Variants in SLCO3A1 observed in about 807,000 individuals in gnomAD.
SLCO3A1 encodes PGE1 transporter.
Under a neutral mutation model 63.1 loss-of-function variants are expected in SLCO3A1, and 27 were observed. The observed-to-expected ratio is 0.43, with a 90% CI of 0.32 to 0.59. The LOEUF is 0.59. SLCO3A1 is among the 20% of genes least tolerant of loss of function. SLCO3A1 has a pLI of 0.09. For synonymous variants in SLCO3A1, 473 were observed against 409.9 expected (o/e 1.15, Z -1.86); for missense variants, 773 against 945.8 (o/e 0.82, Z 2.40).
intron 2 of SLCO3A1, among the ~76,000 whole-genome samples, chr15:92,048,823 G>A (rs1000684231): frequency 3.3e-5 from 5 of 152,104 alleles, no homozygotes; most frequent in East Asian, 1.9e-4. Flanking sequence ...GCTTGAACCC[G>A]GAAGGCGGAG....
rs33938693 is a variant in SLCO3A1 at position 91,871,765 on chromosome 15, G to GTTTTTTTTTTTTT, written c.180+17685_180+17697dup. On this transcript the variant is annotated intron_variant, in intron 1 of 9. Transcript: ENST00000318445. ...GGTGTGCTCATTTTGTTTTTTTTTG[G>GTTTTTTTTTTTTT]TTTTTTTTTTTTTTTTTTTTGGCTG... 2.2e-4 allele frequency among the ~76,000 whole-genome samples: 10 copies of GTTTTTTTTTTTTT among 45,696 alleles called. 1 individual carries two copies. Among genetic ancestry groups the GTTTTTTTTTTTTT allele is most frequent in the Admixed American group, 6.5e-4 (2 of 3,092 alleles). The allele number at this position is 45,696 out of a possible 152,430, so 30.0% of individuals were successfully genotyped here.
intron 1 of SLCO3A1, among the ~76,000 whole-genome samples, chr15:91,868,481 C>T (rs1284916425): frequency 1.3e-5 from 2 of 150,678 alleles, no homozygotes; most frequent in East Asian, 1.9e-4. Context: ...ATCCATAATT[C>T]AGAGAACCTG....
chr15:92,056,488 T>C (rs2047023272), intron 2 of SLCO3A1, among the ~76,000 whole-genome samples: 2 of 152,196 alleles, frequency 1.3e-5, no homozygotes, highest in South Asian at 4.1e-4. Context: ...AGGACGCTCC[T>C]TCCATCATTT....
At chr15:91,903,274 G>A (rs939433311) in intron 1 of SLCO3A1, among the ~76,000 whole-genome samples, 3 of 152,154 alleles carry the variant, frequency 2.0e-5, no homozygotes, top group African/African-American at 7.2e-5. Flanking sequence ...GCCAAAGGTT[G>A]GTCAGTGTGT....
At chr15:92,171,312 G>A (rs2048519911) in intron 10 of SLCO3A1, 1 of 153,910 alleles carries the variant, frequency 6.5e-6, no homozygotes, top group Non-Finnish European at 1.4e-5. Context: ...GAATATCTGT[G>A]GCTACACAAA....
chr15:92,002,699 C>G (rs1269029875), intron 2 of SLCO3A1, among the ~76,000 whole-genome samples: 1 of 152,114 alleles, frequency 6.6e-6, no homozygotes, highest in Non-Finnish European at 1.5e-5. Flanking sequence ...CAGGAAGGGC[C>G]TGCGATGGGC....
chr15:91,974,265 G>GTTATTGTTATTATTA (rs1555420153), intron 2 of SLCO3A1, among the ~76,000 whole-genome samples: 15 of 142,958 alleles, frequency 1.0e-4, no homozygotes, highest in Non-Finnish European at 1.7e-4. Context: ...TTTCATTATT[G>GTTATTGTTATTATTA]TTATTATTAT....
chr15:91,868,923 T>C (rs1359056505), intron 1 of SLCO3A1, among the ~76,000 whole-genome samples: 1 of 152,232 alleles, frequency 6.6e-6, no homozygotes, highest in African/African-American at 2.4e-5. Flanking sequence ...TAGTTTCAAA[T>C]GAAAAATGAC....
rs1897302358 is a variant in SLCO3A1 at position 91,872,394 on chromosome 15, T to C, written c.180+18306T>C. Among the ~76,000 whole-genome samples the C allele has an allele frequency of 6.6e-6, 1 of 151,986 alleles. No individual in the cohort carries two copies. The highest frequency in any genetic ancestry group is 6.6e-5 in the Admixed American group (1 of 15,260). Reference sequence around the variant, plus strand: ...AAAAATACAAAAAAATAGCCGGGCATGGTGGCAGTTGCCTGTAATCCCAGC... The same window carrying C: ...AAAAATACAAAAAAATAGCCGGGCACGGTGGCAGTTGCCTGTAATCCCAGC... On this transcript the variant is annotated intron_variant, in intron 1 of 9. Coordinates refer to ENST00000318445, the MANE Select transcript of SLCO3A1 (RefSeq NM_013272.4). The surrounding 1 kb of genome is among the most constrained non-coding windows in gnomAD (Gnocchi z 4.1).
intron 2 of SLCO3A1, among the ~76,000 whole-genome samples, chr15:92,018,168 G>C (rs1052782332): frequency 6.6e-6 from 1 of 152,246 alleles, no homozygotes; most frequent in Admixed American, 6.5e-5. Flanking sequence ...GGGCGGTGAC[G>C]GGGCTGGCAT....
At chr15:91,995,353 A>G (rs1011358815) in intron 2 of SLCO3A1, among the ~76,000 whole-genome samples, 2 of 152,208 alleles carry the variant, frequency 1.3e-5, no homozygotes, top group African/African-American at 4.8e-5. Context: ...GACCTCATTG[A>G]TTCCTTGTGA....
Position 91,941,426 on chromosome 15 carries a change from C to T in SLCO3A1, c.646+24968C>T. ...ATCTGTGTCACGGGAGTGGCGCTGT[C>T]ACTCGTTGAGGTGGTGGCCTGGTTC... On this transcript the variant is annotated intron_variant, in intron 2 of 9. Coordinates refer to ENST00000318445, the MANE Select transcript of SLCO3A1 (RefSeq NM_013272.4). This position sits in a 1 kb window ranked among gnomAD's most constrained non-coding sequence, Gnocchi z 4.4. 2 of 416,454 alleles carry T rather than the reference C, an allele frequency of 4.8e-6. No homozygotes were observed. The highest frequency in any genetic ancestry group is 3.5e-5 in the South Asian group (2 of 57,914). The allele number at this position is 416,454 out of a possible 1,614,324, so 25.8% of individuals were successfully genotyped here.
At position 91,967,043 on chromosome 15, in the gene SLCO3A1, T is replaced by A. The variant is rs1428292945; in HGVS notation, c.646+50585T>A. On this transcript the variant is annotated intron_variant, in intron 2 of 9. Coordinates refer to ENST00000318445, the MANE Select transcript of SLCO3A1 (RefSeq NM_013272.4). This position sits in a 1 kb window ranked among gnomAD's most constrained non-coding sequence, Gnocchi z 4.4. ...TGAGATACAATTTGTATTTTTGAAC[T>A]CTGCTTTCAGATAACTTTATAAAGG... Among the ~76,000 whole-genome samples the A allele has an allele frequency of 6.6e-6, 1 of 152,134 alleles. No individual in the cohort carries two copies. The highest frequency in any genetic ancestry group is 1.5e-5 in the Non-Finnish European group (1 of 68,016).
At chr15:92,076,183 C>A (rs1413848314) in intron 2 of SLCO3A1, among the ~76,000 whole-genome samples, 1 of 152,216 alleles carries the variant, frequency 6.6e-6, no homozygotes, top group African/African-American at 2.4e-5. Flanking sequence ...CACATCTTGA[C>A]TGTTTTCCAC....
chr15:91,922,358 A>T (rs8041346), intron 2 of SLCO3A1, among the ~76,000 whole-genome samples: 89,815 of 152,088 alleles, frequency 0.59, 27,011 homozygotes, highest in East Asian at 0.91. Context: ...AGGCACACGT[A>T]TTAGACACAA....
intron 2 of SLCO3A1, among the ~76,000 whole-genome samples, chr15:91,978,579 T>A (rs546778128): frequency 1.1e-4 from 16 of 152,084 alleles, no homozygotes; most frequent in Non-Finnish European, 1.9e-4. Flanking sequence ...GTTACTTTTT[T>A]CCCCCCTCAG....
chr15:92,161,823 G>A (rs973191975), intron 9 of SLCO3A1: 7 of 133,554 alleles, frequency 5.2e-5, no homozygotes, highest in African/African-American at 2.0e-4. Flanking sequence ...ACAGTATGCC[G>A]GCGCTTTGCA....
chr15:92,015,383 C>T (rs767739199), intron 2 of SLCO3A1, among the ~76,000 whole-genome samples: 3 of 152,050 alleles, frequency 2.0e-5, no homozygotes, highest in Non-Finnish European at 4.4e-5. Context: ...GAAGCAAGTA[C>T]CTTCTTCGCA....
intron 2 of SLCO3A1, among the ~76,000 whole-genome samples, chr15:92,034,976 G>T (rs781550168): frequency 6.6e-6 from 1 of 151,860 alleles, no homozygotes; most frequent in African/African-American, 2.4e-5. Context: ...ACCACATTTT[G>T]CATCTGAGGG....
Sources: gnomAD v4.1 joint callset for allele counts (sites outside exome capture counted in the v4.1 genomes callset) on GRCh38, gnomAD v4.1.1 for gene constraint, Gnocchi (gnomAD v3.1) non-coding constraint, MANE v1.5 for transcripts, NCBI Gene and HGNC (gene_info 2026-07-23, HGNC 2026-07-21) for gene names.